The following HEPHL1 variants were observed in gnomAD, a reference collection of about 807,000 sequenced individuals.
HEPHL1 encodes hephaestin like 1.
A neutral mutation model predicts 122.0 loss-of-function variants in HEPHL1; 123 were observed. The ratio of observed to expected loss-of-function variants is 1.01; its 90% CI spans 0.87 to 1.17. HEPHL1 has a LOEUF of 1.17. Among genes scored for constraint, HEPHL1 ranks in the 50% most tolerant of loss-of-function variants. The pLI, the probability that HEPHL1 is intolerant of heterozygous loss-of-function variation, is 0.00. For missense variants in HEPHL1, 1,452 were observed against 1,430.5 expected, an observed-to-expected ratio of 1.01 and a Z score of -0.24; for synonymous variants, 527 against 508.9, an observed-to-expected ratio of 1.04 and a Z score of -0.48.
At chr11:94,101,422 A>T in intron 14 of HEPHL1, 87 bp downstream of exon 14, 3 of 1,311,010 alleles carry the variant, frequency 2.3e-6, no homozygotes, top group Non-Finnish European at 3.2e-6. Flanking sequence ...TAAAGAGCTC[A>T]TCTTAATGTC....
chr11:94,035,959 A>C (rs552088967), intron 1 of HEPHL1, among the ~76,000 whole-genome samples: 1 of 152,262 alleles, frequency 6.6e-6, no homozygotes, highest in South Asian at 2.1e-4. Flanking sequence ...GATGGTCTCG[A>C]TCTCCTGACC....
intron 1 of HEPHL1, among the ~76,000 whole-genome samples, chr11:94,024,803 T>C (rs528462348): frequency 2.8e-4 from 43 of 152,272 alleles, no homozygotes; most frequent in African/African-American, 9.1e-4. Context: ...ACCCTGATGA[T>C]AGATAAGAAG....
chr11:94,101,316 A>T lies in HEPHL1; in HGVS notation c.2556A>T (p.Gln852His), dbSNP rs762440560. 1.2e-6 allele frequency: 2 copies of T among 1,613,322 alleles called. No individual in the cohort carries two copies. Among genetic ancestry groups the T allele is most frequent in the South Asian group, 2.2e-5 (2 of 91,036 alleles). The change falls in exon 14 of 20, where the codon CAA becomes CAT. Residue 852 changes from glutamine (Q) to histidine (H), a missense_variant. By Grantham distance (24) the Gln-to-His change is conservative. Coordinates refer to ENST00000315765, the MANE Select transcript of HEPHL1 (RefSeq NM_001098672.2). ...AGATGGATAGTGGAAAGCAATTCCAAGTGCCCATGACAAAACCAGGTAAGT... is the reference window on the plus strand; with the variant it reads ...AGATGGATAGTGGAAAGCAATTCCATGTGCCCATGACAAAACCAGGTAAGT... ...VEEMDSGKQF[Q>H]VPMTKPGEVK...
chr11:94,026,516 T>C (rs1489326903), intron 1 of HEPHL1, among the ~76,000 whole-genome samples: 1 of 152,218 alleles, frequency 6.6e-6, no homozygotes, highest in African/African-American at 2.4e-5. Context: ...TTAGTCCCCA[T>C]CTTGCTTTTC....
chr11:94,096,393 C>T (rs184209232), intron 13 of HEPHL1, among the ~76,000 whole-genome samples: 22 of 152,270 alleles, frequency 1.4e-4, no homozygotes, highest in African/African-American at 5.1e-4. Context: ...GGTGGATAAA[C>T]TTTTTGATGT....
chr11:94,101,381 C>T lies in HEPHL1; in HGVS notation c.2575+46C>T, dbSNP rs75992276. 1.2e-3 allele frequency: 1,933 copies of T among 1,578,538 alleles called. 20 individuals are homozygous for T. In the African/African-American group the frequency reaches 0.023, roughly 19 times the overall value. ...GCTCCATCTTGAAGAAGAACATTGG[C>T]GTCAACTCTTTTCTGGTCTCAGAGG... On this transcript the variant is annotated intron_variant, in intron 14 of 19. Transcript: ENST00000315765.
chr11:94,113,664 CTTTT>C lies in HEPHL1; in HGVS notation c.*1771_*1774del. 1 of 150,170 alleles carries C rather than the reference CTTTT, an allele frequency of 6.7e-6. No individual in the cohort carries two copies. Among genetic ancestry groups the C allele is most frequent in the East Asian group, 2.0e-4 (1 of 5,106 alleles). The allele number at this position is 150,170 out of a possible 1,614,324, so 9.3% of individuals were successfully genotyped here. A position where few individuals can be genotyped will look rare whatever the true frequency, so the allele number is the denominator to read the frequency against. ...ACAAGTTGTTCAGTTGTTTTTTTTTCTTTTCAGTTTATTTTTTTAATGAAAACAA... is the reference window on the plus strand; with the variant it reads ...ACAAGTTGTTCAGTTGTTTTTTTTTCCAGTTTATTTTTTTAATGAAAACAA... On this transcript the variant is annotated 3_prime_UTR_variant, in exon 20 of 20. Transcript: ENST00000315765.
rs371699328 is a variant in HEPHL1, at chr11:94,101,196, C to T, written c.2436C>T (p.Gly812=). ...PPREEHLELL[G]PMIHAEVGNT... ...CACAGGCCTGTGTTTTGCCTTTAGG[C>T]CCAATGATTCATGCTGAGGTGGGCA... The change falls in exon 14 of 20, where the codon GGC becomes GGT. Residue 812 remains glycine (G), a splice_region_variant and synonymous_variant. Transcript: ENST00000315765. The T allele has an allele frequency of 1.2e-6, 2 of 1,613,664 alleles. No homozygotes were observed. Among genetic ancestry groups the T allele is most frequent in the Middle Eastern group, 1.6e-4 (1 of 6,084 alleles).
intron 1 of HEPHL1, among the ~76,000 whole-genome samples, chr11:94,033,509 C>T (rs1056165682): frequency 3.9e-5 from 6 of 152,124 alleles, no homozygotes; most frequent in Non-Finnish European, 7.4e-5. Flanking sequence ...ATATCCACAG[C>T]GGACATCTAG....
intron 5 of HEPHL1, among the ~76,000 whole-genome samples, chr11:94,069,756 G>A (rs2134431602): frequency 6.6e-6 from 1 of 152,178 alleles, no homozygotes. Flanking sequence ...CAGCACTGAT[G>A]ACTATTATTT....
chr11:94,104,402 GAGAGA>G, intron 15 of HEPHL1, 121 bp from the exon 16 acceptor site: 3 of 671,514 alleles, frequency 4.5e-6, no homozygotes, highest in Non-Finnish European at 7.7e-6. Flanking sequence ...AATCAGAGCT[GAGAGA>G]AGAATCAATT....
chr11:94,110,819 T>C, intron 17 of HEPHL1, 84 bp from the exon 18 acceptor site: 1 of 1,088,396 alleles, frequency 9.2e-7, no homozygotes, highest in South Asian at 1.6e-5. Flanking sequence ...ACTGTGGGTT[T>C]TATTTGTTTT....
chr11:94,067,801 C>G, intron 5 of HEPHL1, 51 bp downstream of exon 5: 2 of 1,567,890 alleles, frequency 1.3e-6, no homozygotes, highest in East Asian at 4.5e-5. Context: ...TACAATCAAA[C>G]CACACAGTCA....
intron 13 of HEPHL1, among the ~76,000 whole-genome samples, chr11:94,095,074 C>T (rs1364716293): frequency 6.6e-6 from 1 of 152,116 alleles, no homozygotes; most frequent in Non-Finnish European, 1.5e-5. Context: ...CTTGCCCATA[C>T]CTATGTCCTG....
chr11:94,111,169 A>C, intron 18 of HEPHL1, 104 bp downstream of exon 18: 24 of 866,736 alleles, frequency 2.8e-5, no homozygotes, highest in Non-Finnish European at 4.1e-5. Context: ...CAACAAGCTC[A>C]GAGTCAAGTA....
chr11:94,056,047 G>T, intron 2 of HEPHL1: 1 of 481,036 alleles, frequency 2.1e-6, no homozygotes, highest in Non-Finnish European at 3.6e-6. Flanking sequence ...TTTCCTTCCT[G>T]TATTTTGATG....
chr11:94,070,448 A>G lies in HEPHL1; in HGVS notation c.1138A>G (p.Arg380Gly). 1 of 1,608,440 alleles carries G rather than the reference A, an allele frequency of 6.2e-7. No homozygotes were observed. The part of the protein sequence containing the change: ...IFYPKMKGQQ[R>G]RYFIAAEKIL... ...CTACCCCAAGATGAAGGGTCAACAG[A>G]GGCGCTACTTTATAGCAGCTGAAAA... The change falls in exon 6 of 20, where the codon AGG (arginine) becomes GGG (glycine). Residue 380 changes from arginine (R) to glycine (G), a missense_variant. Arg to Gly is a moderately radical substitution (Grantham distance 125, BLOSUM62 -2). Transcript: ENST00000315765.
intron 2 of HEPHL1, chr11:94,056,064 T>G (rs1429366524): frequency 2.4e-6 from 1 of 424,762 alleles, no homozygotes; most frequent in Non-Finnish European, 4.2e-6. Context: ...GATGCATTTT[T>G]GTTAGATATG....
At chr11:94,083,466 T>TGA in intron 10 of HEPHL1, among the ~76,000 whole-genome samples, 1 of 152,338 alleles carries the variant, frequency 6.6e-6, no homozygotes, top group South Asian at 2.1e-4. Flanking sequence ...AGCAGAGTAA[T>TGA]GAGAGTCCAA....
Sources: allele counts gnomAD v4.1 joint callset (sites outside exome capture counted in the v4.1 genomes callset), GRCh38; gene constraint gnomAD v4.1.1; transcripts MANE v1.5; gene names NCBI Gene and HGNC (gene_info 2026-07-23, HGNC 2026-07-21).